The following NXPE4 variants were observed in gnomAD, a reference collection of about 807,000 sequenced individuals.
NXPE4 encodes the protein NXPE family member 4.
NXPE4 carries 42 observed loss-of-function variants against 33.3 expected under a neutral mutation model. The ratio of observed to expected loss-of-function variants is 1.26; its 90% confidence interval spans 0.98 to 1.63. NXPE4 has a LOEUF of 1.63. Ranked by LOEUF, NXPE4 falls within the 40% of genes most tolerant of loss-of-function variation. NXPE4 has a pLI of 0.00. For missense variants in NXPE4, 709 were observed against 647.6 expected, an observed-to-expected ratio of 1.09 and a Z score of -1.03; for synonymous variants, 253 against 234.9, an observed-to-expected ratio of 1.08 and a Z score of -0.71.
At chr11:114,639,093 C>G in the NXPE4 span, among the ~76,000 whole-genome samples, 4 of 151,460 alleles carry the variant, frequency 2.6e-5, no homozygotes, top group African/African-American at 7.3e-5. Context: ...AGGCAGGCAG[C>G]CCTCCTTGAG....
At chr11:114,654,913 T>G in the NXPE4 span, among the ~76,000 whole-genome samples, 3 of 152,214 alleles carry the variant, frequency 2.0e-5, no homozygotes, top group East Asian at 3.9e-4. Context: ...TCCACAATGA[T>G]TGAACTAATC....
At chr11:114,656,877 G>A in the NXPE4 span, among the ~76,000 whole-genome samples, 2 of 152,220 alleles carry the variant, frequency 1.3e-5, no homozygotes, top group South Asian at 4.1e-4. Flanking sequence ...CAGATCACAA[G>A]GTCAGGGGAT....
At chr11:114,643,925 C>A in the NXPE4 span, among the ~76,000 whole-genome samples, 2 of 151,800 alleles carry the variant, frequency 1.3e-5, no homozygotes, top group Non-Finnish European at 2.9e-5. Context: ...TTTTTGTGTC[C>A]TCTCTTATTT....
At chr11:114,646,743 A>G in the NXPE4 span, among the ~76,000 whole-genome samples, 2 of 152,194 alleles carry the variant, frequency 1.3e-5, no homozygotes. Context: ...ATTACACAAT[A>G]TAATAAGTTT....
chr11:114,616,695 T>C, the NXPE4 span, among the ~76,000 whole-genome samples: 3 of 151,376 alleles, frequency 2.0e-5, no homozygotes, highest in Admixed American at 6.6e-5. Context: ...TTGCCTCGTC[T>C]GAAACCACTG....
At chr11:114,650,751 G>C in the NXPE4 span, among the ~76,000 whole-genome samples, 10 of 152,122 alleles carry the variant, frequency 6.6e-5, no homozygotes, top group South Asian at 2.1e-3. Context: ...GGCAGAGTGC[G>C]GTTGCCACAA....
At chr11:114,652,858 C>G in the NXPE4 span, among the ~76,000 whole-genome samples, 1 of 152,170 alleles carries the variant, frequency 6.6e-6, no homozygotes, top group Admixed American at 6.5e-5. Flanking sequence ...GAGCATTTTC[C>G]ATTTGGTACT....
intron 2 of NXPE4, chr11:114,583,719 C>G (rs1949211197): frequency 1.8e-6 from 1 of 548,668 alleles, no homozygotes; most frequent in Non-Finnish European, 3.6e-6. Context: ...GTTAATGATA[C>G]AATCTGGGCC....
At chr11:114,587,395 T>C (rs1252985289) in intron 2 of NXPE4, among the ~76,000 whole-genome samples, 1 of 152,160 alleles carries the variant, frequency 6.6e-6, no homozygotes, top group Non-Finnish European at 1.5e-5. Context: ...TAATAGCAAA[T>C]TGTACAGCTC....
At chr11:114,580,449 A>G in intron 4 of NXPE4, 111 bp from the exon 5 acceptor site, 1 of 838,214 alleles carries the variant, frequency 1.2e-6, no homozygotes, top group African/African-American at 1.7e-5. Context: ...GGTGGTGGTA[A>G]TGGTGGAAAA....
At chr11:114,607,402 C>G in the NXPE4 span, among the ~76,000 whole-genome samples, 4 of 151,884 alleles carry the variant, frequency 2.6e-5, no homozygotes, top group African/African-American at 9.7e-5. Context: ...TGGGTAACCA[C>G]TGTTACCTGG....
the NXPE4 span, among the ~76,000 whole-genome samples, chr11:114,672,648 G>A: frequency 0.015 from 2,219 of 151,812 alleles, 107 homozygotes; most frequent in Admixed American, 0.091. Context: ...CATTCAAACA[G>A]CAATAATATG....
Position 114,589,068 on chromosome 11 carries a change from C to A in NXPE4, c.96+5596G>T, listed in dbSNP as rs78969527. ...TGCAGGCTTGCAAAGTCTGGGATCCCTGAGGTGCATCTGCGAGTTGCTATT... is the reference window on the plus strand; with the variant it reads ...TGCAGGCTTGCAAAGTCTGGGATCCATGAGGTGCATCTGCGAGTTGCTATT... On this transcript the variant is annotated intron_variant, in intron 2 of 5. Transcript: ENST00000375478. Among the ~76,000 whole-genome samples, 599 of 152,200 alleles carry A rather than the reference C, an allele frequency of 3.9e-3. 3 individuals carry two copies. Among genetic ancestry groups the A allele is most frequent in the African/African-American group, 0.013 (548 of 41,508 alleles).
chr11:114,580,149 A>C lies in NXPE4; in HGVS notation c.1082T>G (p.Phe361Cys). 6.2e-7 allele frequency: 1 copy of C among 1,613,684 alleles called. No homozygotes were observed. The highest frequency in any genetic ancestry group is 8.5e-7 in the Non-Finnish European group (1 of 1,179,580). Residue 361 changes from phenylalanine (F) to cysteine (C), a missense_variant, in exon 5 of 6, where the codon TTC becomes TGC. Physicochemically the swap from Phe to Cys is radical, Grantham distance 205 (BLOSUM62 -2). Transcript: ENST00000375478. ...DSTIRQWMEYFKASINTLKSV... is the reference protein window; with the variant it reads ...DSTIRQWMEYCKASINTLKSV... ...AGGCATACTGTTGATACTGGCTTTG[A>C]AGTATTCCATCCACTGGCGGATCGT...
the NXPE4 span, among the ~76,000 whole-genome samples, chr11:114,665,812 T>C: frequency 6.6e-6 from 1 of 152,152 alleles, no homozygotes; most frequent in Non-Finnish European, 1.5e-5. Flanking sequence ...TCCCTTCCTA[T>C]CACATTACTG....
At chr11:114,666,221 G>A in the NXPE4 span, among the ~76,000 whole-genome samples, 5 of 151,918 alleles carry the variant, frequency 3.3e-5, no homozygotes, top group African/African-American at 4.8e-5. Context: ...CTTTGCTACC[G>A]TATAGCAGAT....
the NXPE4 span, among the ~76,000 whole-genome samples, chr11:114,620,255 C>T: frequency 1.1e-4 from 16 of 152,088 alleles, no homozygotes; most frequent in Non-Finnish European, 1.8e-4. Flanking sequence ...ATTATTGCCT[C>T]GTGGGTAACT....
chr11:114,632,627 TATAATAAATGTAA>T, the NXPE4 span, among the ~76,000 whole-genome samples: 3 of 100,746 alleles, frequency 3.0e-5, no homozygotes, highest in African/African-American at 4.1e-5. Context: ...TATATTTATA[TATAATAAATGTAA>T]ATAATAAATG....
chr11:114,658,861 C>T, the NXPE4 span, among the ~76,000 whole-genome samples: 1 of 152,158 alleles, frequency 6.6e-6, no homozygotes, highest in Non-Finnish European at 1.5e-5. Flanking sequence ...AAGAGAATCT[C>T]ACTCATTCTC....
Sources: allele counts gnomAD v4.1 joint callset (sites outside exome capture counted in the v4.1 genomes callset), GRCh38; gene constraint gnomAD v4.1.1; transcripts MANE v1.5; gene names NCBI Gene and HGNC (gene_info 2026-07-23, HGNC 2026-07-21).